The following FGD5 variants were observed in gnomAD, a reference collection of about 807,000 sequenced individuals.
FGD5 encodes the protein FYVE, RhoGEF and PH domain-containing protein 5.
FGD5 carries 28 observed loss-of-function variants against 133.4 expected under a neutral mutation model. That is an observed-to-expected ratio of 0.21 (90% CI 0.16 to 0.29). The LOEUF is 0.29. Among genes scored for constraint, FGD5 ranks in the 10% least tolerant of loss-of-function variants. The pLI is 1.00. For missense variants in FGD5, 1,858 were observed against 1,895.2 expected (o/e 0.98, Z 0.36); for synonymous variants, 810 against 776.5 (o/e 1.04, Z -0.72).
intron 9 of FGD5, among the ~76,000 whole-genome samples, chr3:14,904,156 A>G (rs578226970): frequency 6.6e-6 from 1 of 152,258 alleles, no homozygotes; most frequent in African/African-American, 2.4e-5. Context: ...AGGTTTCTCC[A>G]CTGTGAAGCT....
chr3:14,902,632 T>C (rs1406476841), intron 9 of FGD5, among the ~76,000 whole-genome samples: 1 of 152,156 alleles, frequency 6.6e-6, no homozygotes, highest in African/African-American at 2.4e-5. Context: ...GGTCCTCTCT[T>C]CTCTCACTCT....
Position 14,819,828 on chromosome 3 carries a change from C to A in FGD5, c.757C>A (p.Pro253Thr), listed in dbSNP as rs1470565976. ...GGATGCTGAGGACACCAGTGAGGAG[C>A]CCCCTGAGAAGGAGGAGCTGGCCGG... ...GQDAEDTSEE[P>T]PEKEELAGVQ... The change falls in exon 1 of 20, where the codon CCC becomes ACC. Residue 253 changes from proline (P) to threonine (T), a missense_variant. Transcript: ENST00000285046. This position sits in a 1 kb window ranked among gnomAD's most constrained non-coding sequence, Gnocchi z 4.1. 6.2e-7 allele frequency: 1 copy of A among 1,602,272 alleles called. No homozygotes were observed. The highest frequency in any genetic ancestry group is 2.2e-5 in the East Asian group (1 of 44,478).
intron 4 of FGD5, chr3:14,882,209 C>G (rs920286095): frequency 1.3e-6 from 1 of 770,826 alleles, no homozygotes; most frequent in African/African-American, 1.9e-5. Flanking sequence ...TTTTTTTTAA[C>G]TTCTCTCTCC....
chr3:14,869,727 A>G (rs2037568337), intron 2 of FGD5, among the ~76,000 whole-genome samples: 1 of 152,214 alleles, frequency 6.6e-6, no homozygotes, highest in Non-Finnish European at 1.5e-5. Flanking sequence ...TAGACTTAGC[A>G]TAATGTCCTC....
intron 1 of FGD5, among the ~76,000 whole-genome samples, chr3:14,834,372 A>C (rs1445489101): frequency 2.0e-5 from 3 of 152,220 alleles, no homozygotes; most frequent in African/African-American, 7.2e-5. Flanking sequence ...ATGACACTAG[A>C]TAGCTACCTC....
At chr3:14,813,717 A>G (rs2036328294) in intron 1 of FGD5, among the ~76,000 whole-genome samples, 1 of 147,286 alleles carries the variant, frequency 6.8e-6, no homozygotes, top group South Asian at 2.2e-4. Flanking sequence ...GACTTGCCCA[A>G]GATCACACCT....
At chr3:14,923,225 C>T (rs1238377158) in intron 16 of FGD5, 50 bp downstream of exon 16, 5 of 1,573,234 alleles carry the variant, frequency 3.2e-6, no homozygotes, top group African/African-American at 1.4e-5. Context: ...TGGCTTCTCC[C>T]CAGGCTCCAG....
chr3:14,829,706 T>C (rs906687066), intron 1 of FGD5, among the ~76,000 whole-genome samples: 15 of 152,056 alleles, frequency 9.9e-5, no homozygotes, highest in African/African-American at 3.1e-4. Flanking sequence ...AGCCGAGTAA[T>C]GAAGTTGGGG....
At chr3:14,822,638 C>A (rs1214397987) in intron 1 of FGD5, among the ~76,000 whole-genome samples, 2 of 152,174 alleles carry the variant, frequency 1.3e-5, no homozygotes, top group Non-Finnish European at 2.9e-5. Context: ...CAAATCTTGC[C>A]ATTCCTTATG....
intron 2 of FGD5, among the ~76,000 whole-genome samples, chr3:14,869,482 CAGTGCAGTAGCA>C: frequency 1.3e-5 from 2 of 152,304 alleles, no homozygotes; most frequent in East Asian, 3.9e-4. Flanking sequence ...TTTAAGTGTG[CAGTGCAGTAGCA>C]TGAAGCACAT....
rs2036507197 is a variant in FGD5, at chr3:14,821,676, C to T, written c.2525+80C>T. The T allele has an allele frequency of 4.2e-6, 6 of 1,440,182 alleles. No individual in the cohort carries two copies. The East Asian group carries it at 7.5e-5, about 18-fold the overall frequency. The allele number at this position is 1,440,182 out of a possible 1,614,324, so 89.2% of individuals were successfully genotyped here. On this transcript the variant is annotated intron_variant, in intron 1 of 19. Transcript: ENST00000285046. ...AGCGTGGGTGTGGGGGACAGATGGACTTGCTTTCCAGCCTCAGGCTCTGTT... is the reference window on the plus strand; with the variant it reads ...AGCGTGGGTGTGGGGGACAGATGGATTTGCTTTCCAGCCTCAGGCTCTGTT...
At chr3:14,842,714 C>A (rs2036947302) in intron 1 of FGD5, among the ~76,000 whole-genome samples, 1 of 152,234 alleles carries the variant, frequency 6.6e-6, no homozygotes, top group African/African-American at 2.4e-5. Context: ...CTGCCATCTT[C>A]CCTGTTGGTG....
chr3:14,851,924 TA>T (rs60893439), intron 1 of FGD5, among the ~76,000 whole-genome samples: 25,141 of 146,592 alleles, frequency 0.17, 2,639 homozygotes, highest in East Asian at 0.51. Context: ...ATGGCTAAGA[TA>T]AAAAAAAAAA....
chr3:14,867,395 A>ACTGCAGTAT (rs2037515775), intron 2 of FGD5, among the ~76,000 whole-genome samples: 1 of 152,160 alleles, frequency 6.6e-6, no homozygotes, highest in Admixed American at 6.5e-5. Flanking sequence ...CCATCTCCTC[A>ACTGCAGTAT]CTGCAGTATT....
chr3:14,823,233 TACA>T (rs1473204141), intron 1 of FGD5, among the ~76,000 whole-genome samples: 5 of 152,118 alleles, frequency 3.3e-5, no homozygotes, highest in African/African-American at 1.2e-4. Flanking sequence ...AACCAAGCTT[TACA>T]ACAATAAACT....
In FGD5 at chr3:14,819,486, A is replaced by C; in HGVS notation, c.415A>C (p.Thr139Pro). 1 of 1,551,410 alleles carries C rather than the reference A, an allele frequency of 6.4e-7. No homozygotes were observed. The highest frequency in any genetic ancestry group is 1.4e-5 in the African/African-American group (1 of 73,146). ...GALSREGEEGTDLALEDEGEG... is the reference protein window; with the variant it reads ...GALSREGEEGPDLALEDEGEG... Reference sequence around the variant, plus strand: ...GCTGAGCAGGGAGGGTGAGGAAGGCACAGACCTTGCTCTTGAGGATGAAGG... The same window carrying C: ...GCTGAGCAGGGAGGGTGAGGAAGGCCCAGACCTTGCTCTTGAGGATGAAGG... The change falls in exon 1 of 20, where the codon ACA becomes CCA. Residue 139 changes from threonine (T) to proline (P), a missense_variant. Thr to Pro is a conservative substitution (Grantham distance 38). Around this residue, in one of 3 missense-constraint regions of FGD5, gnomAD observed 1,824 missense variants for 1,848.9 expected, o/e 0.99. Coordinates refer to ENST00000285046, the MANE Select transcript of FGD5 (RefSeq NM_152536.4). The surrounding 1 kb of genome is among the most constrained non-coding windows in gnomAD (Gnocchi z 4.1).
At chr3:14,887,403 C>T (rs1244640073) in intron 4 of FGD5, among the ~76,000 whole-genome samples, 1 of 152,078 alleles carries the variant, frequency 6.6e-6, no homozygotes, top group Non-Finnish European at 1.5e-5. Flanking sequence ...TCCTGCCAGG[C>T]ATGGGGGTGC....
intron 4 of FGD5, chr3:14,882,195 C>CT: frequency 1.1e-5 from 7 of 631,318 alleles, no homozygotes; most frequent in Non-Finnish European, 1.4e-5. Context: ...ATCAGTTTCC[C>CT]ATTTTTTTTT....
At chr3:14,814,893 T>G (rs552003736), upstream of FGD5, among the ~76,000 whole-genome samples, 2 of 152,158 alleles carry the variant, frequency 1.3e-5, no homozygotes. Flanking sequence ...TTCTTGACTT[T>G]TCTCTTTCTT....
Sources: allele counts gnomAD v4.1 joint callset (sites outside exome capture counted in the v4.1 genomes callset), GRCh38; gene constraint gnomAD v4.1.1; regional missense constraint gnomAD v4.1.1; non-coding constraint Gnocchi (gnomAD v3.1); transcripts MANE v1.5; gene names NCBI Gene and HGNC (gene_info 2026-07-23, HGNC 2026-07-21).